Variants in MYOM2 observed in about 807,000 individuals in gnomAD.
MYOM2 encodes myomesin-2.
In MYOM2, 254 loss-of-function variants were observed where a neutral mutation model predicts 187.6. The observed-to-expected ratio is 1.35, with a 90% CI of 1.22 to 1.50. The LOEUF is 1.50. Among genes scored for constraint, MYOM2 ranks in the 40% most tolerant of loss-of-function variants. The pLI is 0.00. For missense variants in MYOM2, 2,796 were observed against 1,924.0 expected, an observed-to-expected ratio of 1.45 and a Z score of -8.48; for synonymous variants, 981 against 753.8, an observed-to-expected ratio of 1.30 and a Z score of -4.94.
At chr8:2,120,874 G>A (rs116556708) in intron 28 of MYOM2, among the ~76,000 whole-genome samples, 65 of 150,300 alleles carry the variant, frequency 4.3e-4, no homozygotes, top group African/African-American at 1.6e-3. Context: ...CATGCTCAAG[G>A]TTGTGGTAAA....
chr8:2,129,574 C>G (rs1156561756), intron 32 of MYOM2, among the ~76,000 whole-genome samples: 1 of 152,184 alleles, frequency 6.6e-6, no homozygotes, highest in East Asian at 1.9e-4. Context: ...AGAAACCAGA[C>G]TCCAAATTTC....
intron 32 of MYOM2, among the ~76,000 whole-genome samples, chr8:2,138,962 TGCCAGCACCACCACCAGAGACCC>T: frequency 6.8e-6 from 1 of 147,408 alleles, no homozygotes; most frequent in Admixed American, 6.7e-5. Context: ...CGACACACAC[TGCCAGCACCACCACCAGAGACCC>T]GACACACACT....
At chr8:2,143,047 C>T (rs1422597035) in intron 35 of MYOM2, among the ~76,000 whole-genome samples, 8 of 152,154 alleles carry the variant, frequency 5.3e-5, no homozygotes, top group South Asian at 2.1e-4. Flanking sequence ...TGAGCCACTG[C>T]GCCTGGCCAG....
intron 21 of MYOM2, 68 bp from the exon 22 acceptor site, chr8:2,106,174 C>G (rs762656406): frequency 1.9e-5 from 28 of 1,512,972 alleles, no homozygotes; most frequent in Non-Finnish European, 2.4e-5. Context: ...CCATATCACC[C>G]TCTCCCAAAA....
chr8:2,133,899 A>G (rs888152993), intron 32 of MYOM2, among the ~76,000 whole-genome samples: 6 of 147,764 alleles, frequency 4.1e-5, no homozygotes, highest in African/African-American at 1.6e-4. Flanking sequence ...TTTTAGACTC[A>G]TAGAAAAGTT....
chr8:2,080,732 G>C (rs1293546843), intron 13 of MYOM2, among the ~76,000 whole-genome samples: 1 of 152,210 alleles, frequency 6.6e-6, no homozygotes, highest in Non-Finnish European at 1.5e-5. Flanking sequence ...ATATTTGAAT[G>C]ACTGAAAAAT....
At chr8:2,046,562 T>C (rs1370462026) in intron 1 of MYOM2, among the ~76,000 whole-genome samples, 1 of 152,130 alleles carries the variant, frequency 6.6e-6, no homozygotes, top group Non-Finnish European at 1.5e-5. Context: ...CTGTCCAAGC[T>C]GGGGGACTGT....
intron 32 of MYOM2, among the ~76,000 whole-genome samples, chr8:2,132,882 C>T (rs1412732839): frequency 1.3e-5 from 2 of 152,236 alleles, no homozygotes; most frequent in Non-Finnish European, 2.9e-5. Context: ...GGCTGCCTGA[C>T]ACCCCAGACA....
intron 14 of MYOM2, among the ~76,000 whole-genome samples, chr8:2,087,011 G>A (rs1796115911): frequency 6.6e-6 from 1 of 151,896 alleles, no homozygotes; most frequent in South Asian, 2.1e-4. Flanking sequence ...TCACGTATAT[G>A]TATGTAACCT....
chr8:2,092,194 G>C (rs1796326817), intron 15 of MYOM2, 152 bp from the exon 16 acceptor site: 13 of 896,462 alleles, frequency 1.5e-5, no homozygotes, highest in Non-Finnish European at 1.9e-5. Context: ...TCGGCCCGGG[G>C]CTCCTCTCCT....
intron 20 of MYOM2, among the ~76,000 whole-genome samples, chr8:2,101,321 C>T (rs1796702172): frequency 6.6e-6 from 1 of 152,212 alleles, no homozygotes; most frequent in African/African-American, 2.4e-5. Context: ...TCACCGCACT[C>T]CAGCCTGGTT....
At chr8:2,078,414 G>A (rs113797938) in intron 11 of MYOM2, among the ~76,000 whole-genome samples, 70 of 152,252 alleles carry the variant, frequency 4.6e-4, no homozygotes, top group African/African-American at 1.6e-3. Context: ...TTCAGGATGC[G>A]TCTAAAATAA....
chr8:2,082,165 T>A (rs759275305), intron 13 of MYOM2: 8 of 152,206 alleles, frequency 5.3e-5, no homozygotes, highest in Non-Finnish European at 7.3e-5. Flanking sequence ...GCAATTTCCA[T>A]GGTCAGAAAC....
chr8:2,106,712 C>A, intron 23 of MYOM2, 115 bp downstream of exon 23: 2 of 761,664 alleles, frequency 2.6e-6, no homozygotes, highest in Non-Finnish European at 4.2e-6. Context: ...TTGCAGGAGG[C>A]TGGCGGTGGG....
chr8:2,139,338 G>C (rs897254099), intron 32 of MYOM2, among the ~76,000 whole-genome samples: 1 of 151,820 alleles, frequency 6.6e-6, no homozygotes, highest in Non-Finnish European at 1.5e-5. Flanking sequence ...ACAGGGTCTT[G>C]CTTTGTTTTC....
chr8:2,118,362 A>C (rs900005845), intron 28 of MYOM2, among the ~76,000 whole-genome samples: 3 of 152,248 alleles, frequency 2.0e-5, no homozygotes, highest in Admixed American at 6.5e-5. Flanking sequence ...GTAATGAAAT[A>C]TGTTTTATTA....
intron 5 of MYOM2, 80 bp downstream of exon 5, chr8:2,057,860 G>A (rs1585827378): frequency 1.1e-5 from 17 of 1,500,642 alleles, no homozygotes; most frequent in African/African-American, 2.8e-5. Context: ...GGAGACAAAC[G>A]CCATTGAACC....
chr8:2,051,028 C>T (rs1024659318), intron 2 of MYOM2, among the ~76,000 whole-genome samples, 155 bp downstream of exon 2: 9 of 152,024 alleles, frequency 5.9e-5, no homozygotes, highest in African/African-American at 1.5e-4. Context: ...GGTCCTGCCA[C>T]GGAGCAGCAC....
intron 1 of MYOM2, 36 bp from the exon 2 acceptor site, chr8:2,050,719 G>C (rs376687235): frequency 7.7e-7 from 1 of 1,295,338 alleles, no homozygotes; most frequent in African/African-American, 1.5e-5. Flanking sequence ...TGATGCTTGC[G>C]AGGGAGCTCA....
Sources: allele counts gnomAD v4.1 joint callset (sites outside exome capture counted in the v4.1 genomes callset), GRCh38; gene constraint gnomAD v4.1.1; transcripts MANE v1.5; gene names NCBI Gene and HGNC (gene_info 2026-07-23, HGNC 2026-07-21).